Variants in PDSS2 observed in about 807,000 individuals in gnomAD.
PDSS2 encodes the protein all trans-polyprenyl-diphosphate synthase PDSS2.
Under a neutral mutation model 44.5 loss-of-function variants are expected in PDSS2, and 31 were observed. That is an observed-to-expected ratio of 0.70 (90% confidence interval 0.52 to 0.94). The LOEUF is 0.94. Among genes scored for constraint, PDSS2 ranks in the 40% least tolerant of loss-of-function variants. The pLI, the probability that PDSS2 is intolerant of heterozygous loss-of-function variation, is 0.00. For synonymous variants in PDSS2, 157 were observed against 180.3 expected (o/e 0.87, Z 1.03); for missense variants, 452 against 482.2 (o/e 0.94, Z 0.59).
intron 1 of PDSS2, among the ~76,000 whole-genome samples, chr6:107,421,862 A>C (rs1780835219): frequency 6.6e-6 from 1 of 151,244 alleles, no homozygotes; most frequent in Non-Finnish European, 1.5e-5. Context: ...AAACGAGTGA[A>C]AGCCAAATAA....
intron 6 of PDSS2, among the ~76,000 whole-genome samples, chr6:107,200,911 C>T (rs1380558640): frequency 2.6e-5 from 4 of 152,094 alleles, no homozygotes; most frequent in African/African-American, 9.7e-5. Context: ...GTGATCCGCC[C>T]ACCTCAGCCT....
chr6:107,353,944 G>T (rs900535144), intron 1 of PDSS2, among the ~76,000 whole-genome samples: 1 of 152,062 alleles, frequency 6.6e-6, no homozygotes, highest in African/African-American at 2.4e-5. Flanking sequence ...AACCAACATG[G>T]TCTTCTTTAT....
At chr6:107,177,403 C>A (rs75692260) in intron 7 of PDSS2, among the ~76,000 whole-genome samples, 4,949 of 152,262 alleles carry the variant, frequency 0.033, 104 homozygotes, top group Middle Eastern at 0.099. Context: ...TCCCAAATTG[C>A]TGGGATTACA....
chr6:107,382,454 C>T (rs541338834), intron 1 of PDSS2, among the ~76,000 whole-genome samples: 1 of 152,116 alleles, frequency 6.6e-6, no homozygotes, highest in South Asian at 2.1e-4. Flanking sequence ...CAAAAATTAC[C>T]ATAAAACTAC....
intron 3 of PDSS2, among the ~76,000 whole-genome samples, chr6:107,266,110 C>T (rs1055494434): frequency 3.3e-5 from 5 of 152,210 alleles, no homozygotes; most frequent in Non-Finnish European, 5.9e-5. Flanking sequence ...GATATAACTT[C>T]ACTTTCCTTA....
chr6:107,325,051 A>G (rs1445169524), intron 2 of PDSS2, among the ~76,000 whole-genome samples: 1 of 152,084 alleles, frequency 6.6e-6, no homozygotes, highest in Non-Finnish European at 1.5e-5. Flanking sequence ...AAAGGTTTAT[A>G]GAAAAAAAAA....
At chr6:107,200,392 T>C (rs1772728410) in intron 6 of PDSS2, among the ~76,000 whole-genome samples, 1 of 152,170 alleles carries the variant, frequency 6.6e-6, no homozygotes, top group African/African-American at 2.4e-5. Context: ...TCACAAATGC[T>C]GGGCTGGATG....
chr6:107,228,626 C>T (rs999425556), intron 4 of PDSS2, among the ~76,000 whole-genome samples: 2 of 152,026 alleles, frequency 1.3e-5, no homozygotes, highest in Non-Finnish European at 2.9e-5. Flanking sequence ...ACCCAGGAGG[C>T]AGAGGCTGCA....
At chr6:107,361,894 C>T (rs942050549) in intron 1 of PDSS2, among the ~76,000 whole-genome samples, 1 of 152,204 alleles carries the variant, frequency 6.6e-6, no homozygotes, top group Non-Finnish European at 1.5e-5. Flanking sequence ...CATCCCCTTG[C>T]TTTATCAGCA....
At chr6:107,270,025 A>C (rs1004452375) in intron 3 of PDSS2, among the ~76,000 whole-genome samples, 4 of 152,112 alleles carry the variant, frequency 2.6e-5, no homozygotes, top group Non-Finnish European at 4.4e-5. Context: ...TTGGGGGCAC[A>C]GATTGATTTA....
intron 6 of PDSS2, among the ~76,000 whole-genome samples, chr6:107,201,247 G>A (rs1772759735): frequency 6.6e-6 from 1 of 152,090 alleles, no homozygotes; most frequent in East Asian, 1.9e-4. Context: ...ATCTTTAGCA[G>A]TTCACAGAGA....
At chr6:107,283,755 G>A (rs893265157) in intron 2 of PDSS2, among the ~76,000 whole-genome samples, 6 of 150,860 alleles carry the variant, frequency 4.0e-5, no homozygotes, top group Admixed American at 2.7e-4. Context: ...AAAATAGGAC[G>A]GGTGTGGTGG....
intron 4 of PDSS2, among the ~76,000 whole-genome samples, chr6:107,240,398 CTTTTTTTT>C (rs751073523): frequency 7.6e-6 from 1 of 131,016 alleles, no homozygotes; most frequent in Non-Finnish European, 1.6e-5. Flanking sequence ...GAGACCCTAC[CTTTTTTTT>C]TTTTTTTTTT....
intron 1 of PDSS2, among the ~76,000 whole-genome samples, chr6:107,335,386 G>A (rs537390071): frequency 1.3e-5 from 2 of 152,234 alleles, no homozygotes; most frequent in South Asian, 4.1e-4. Context: ...TGGTGATGAC[G>A]GTGGTAAACA....
rs1306740685 is a variant in PDSS2 at position 107,203,376 on chromosome 6, G to A, written c.1008+7063C>T. Among the ~76,000 whole-genome samples the A allele has an allele frequency of 3.3e-5, 5 of 152,090 alleles. No homozygotes were observed. The East Asian group carries it at 7.7e-4, about 24-fold the overall frequency. ...ATATTTTCTCTGAAATGAGTTTTACGCTTAACCTCCTTATCTTCCCATTCT... is the reference window on the plus strand; with the variant it reads ...ATATTTTCTCTGAAATGAGTTTTACACTTAACCTCCTTATCTTCCCATTCT... On this transcript the variant is annotated intron_variant, in intron 6 of 7. Transcript: ENST00000369037.
intron 4 of PDSS2, among the ~76,000 whole-genome samples, chr6:107,213,987 T>G (rs1271099927): frequency 3.3e-5 from 5 of 152,078 alleles, no homozygotes; most frequent in Non-Finnish European, 7.4e-5. Flanking sequence ...CTAGTGGCTA[T>G]ATAAAAAAAA....
rs145168701 is a variant in PDSS2, at chr6:107,215,965, C to T, written c.703-3683G>A. 2.4e-3 allele frequency among the ~76,000 whole-genome samples: 356 copies of T among 150,172 alleles called. 2 individuals are homozygous for T. The highest frequency in any genetic ancestry group is 7.9e-3 in the African/African-American group (323 of 40,874). On this transcript the variant is annotated intron_variant, in intron 4 of 7. Coordinates refer to ENST00000369037, the MANE Select transcript of PDSS2 (RefSeq NM_020381.4). ...CAGCCTGAGCAACATGGTGAAATCC[C>T]GTCTCTACCAAAAATACACAAATTA...
intron 4 of PDSS2, chr6:107,230,238 T>C (rs1773997067): frequency 6.7e-6 from 1 of 149,116 alleles, no homozygotes; most frequent in African/African-American, 2.5e-5. Context: ...AAAGCCACTG[T>C]AGGTGCTTCA....
chr6:107,338,907 TAGAGACAGGG>T (rs1777993345), intron 1 of PDSS2, among the ~76,000 whole-genome samples: 4 of 152,146 alleles, frequency 2.6e-5, no homozygotes, highest in African/African-American at 9.7e-5. Flanking sequence ...TTTTTTCTTT[TAGAGACAGGG>T]TCTTGCTATA....
Sources: allele counts gnomAD v4.1 joint callset (sites outside exome capture counted in the v4.1 genomes callset), GRCh38; gene constraint gnomAD v4.1.1; transcripts MANE v1.5; gene names NCBI Gene and HGNC (gene_info 2026-07-23, HGNC 2026-07-21).